CPA1: variants seen among roughly 807,000 people sequenced by gnomAD.
The protein encoded by CPA1 is carboxypeptidase A1, also known as carboxypeptidase A1 (pancreatic).
In CPA1, 42 loss-of-function variants were observed where a neutral mutation model predicts 48.7. The observed-to-expected ratio is 0.86, with a 90% CI of 0.67 to 1.11. The LOEUF (loss-of-function observed/expected upper bound fraction) is 1.11, where lower values mean the gene tolerates loss of function less well. CPA1 is among the 50% of genes most tolerant of loss of function. The probability of loss-of-function intolerance (pLI) is 0.00; values close to 1 mark genes in which losing one functional copy is unlikely to be tolerated. For synonymous variants in CPA1, 203 were observed against 217.9 expected, an observed-to-expected ratio of 0.93 and a Z score of 0.60; for missense variants, 477 against 544.7, an observed-to-expected ratio of 0.88 and a Z score of 1.24.
chr7:130,384,310 C>G, intron 6 of CPA1: 2 of 583,908 alleles, frequency 3.4e-6, no homozygotes, highest in South Asian at 2.0e-5. Flanking sequence ...ACCCGATGCC[C>G]CCTCTGCTGA....
chr7:130,385,300 T>A lies in CPA1; in HGVS notation c.942T>A (p.Tyr314Ter). The stretch of plus-strand genomic sequence containing the variant: ...ACAGCTACTCCCAGCTCCTCATGTA[T>A]CCCTATGGCTACAAAACAGAACCAG... The part of the protein sequence containing the change: ...SIHSYSQLLM[Y>*]PYGYKTEPVP... Residue 314 changes from tyrosine (Y) to a stop codon, truncating the protein, a stop_gained, in exon 8 of 10, where the codon TAT (tyrosine) becomes TAA (stop). Transcript: ENST00000011292. LOFTEE classifies it high-confidence loss of function. The A allele has an allele frequency of 6.2e-7, 1 of 1,614,146 alleles. No homozygotes were observed. The highest frequency in any genetic ancestry group is 8.5e-7 in the Non-Finnish European group (1 of 1,180,024).
chr7:130,385,735 C>A, intron 8 of CPA1, 104 bp from the exon 9 acceptor site: 1 of 847,116 alleles, frequency 1.2e-6, no homozygotes, highest in Non-Finnish European at 1.9e-6. Context: ...CCCACTTCTG[C>A]AGGGTGCTTC....
Position 130,380,510 on chromosome 7 carries a change from C to A in CPA1, c.-11C>A. On this transcript the variant is annotated 5_prime_UTR_variant, in exon 1 of 10. Transcript: ENST00000011292. ...CTCGACCTCAGTCTGACCTTCCCTC[C>A]CGGCAGCAGCATGCGGGGGTTGCTG... The A allele has an allele frequency of 7.6e-7, 1 of 1,313,848 alleles. No individual in the cohort carries two copies. Among genetic ancestry groups the A allele is most frequent in the Non-Finnish European group, 9.8e-7 (1 of 1,022,608 alleles). 81.4% of individuals were successfully genotyped at this position (1,313,848 alleles called of 1,614,324 possible).
intron 6 of CPA1, 63 bp from the exon 7 acceptor site, chr7:130,384,473 C>T (rs1183899458): frequency 3.4e-6 from 5 of 1,454,762 alleles, no homozygotes; most frequent in Non-Finnish European, 3.9e-6. Context: ...AACCACCCCC[C>T]ACCCAGCACT....
rs782170635 is a variant in CPA1 at position 130,385,223 on chromosome 7, A to C, written c.865A>C (p.Ile289Leu). ...CAATTCCGAAGTGGAGGTCAAGTCC[A>C]TTGTAGACTTTGTGAAGGACCATGG... is the stretch of plus-strand genomic sequence containing the variant. ...FANSEVEVKS[I>L]VDFVKDHGNI... The change falls in exon 8 of 10, where the codon ATT (isoleucine) becomes CTT (leucine). Residue 289 changes from isoleucine (I) to leucine (L), a missense_variant. Coordinates refer to ENST00000011292, the MANE Select transcript of CPA1 (RefSeq NM_001868.4). The C allele has an allele frequency of 6.2e-7, 1 of 1,614,136 alleles. No homozygotes were observed. The highest frequency in any genetic ancestry group is 8.5e-7 in the Non-Finnish European group (1 of 1,180,054).
Position 130,385,253 on chromosome 7 carries a change from A to T in CPA1, c.895A>T (p.Ile299Phe), listed in dbSNP as rs533352347. ...AGACTTTGTGAAGGACCATGGGAAC[A>T]TCAAGGCCTTCATCTCCATCCACAG... ...IVDFVKDHGNIKAFISIHSYS... is the reference protein window; with the variant it reads ...IVDFVKDHGNFKAFISIHSYS... Residue 299 changes from isoleucine to phenylalanine, a missense_variant, in exon 8 of 10, where the codon ATC (isoleucine) becomes TTC (phenylalanine). Physicochemically the swap from Ile to Phe is conservative, Grantham distance 21. Transcript: ENST00000011292. 7 of 1,614,218 alleles carry T rather than the reference A, an allele frequency of 4.3e-6. No homozygotes were observed. Among genetic ancestry groups the T allele is most frequent in the Non-Finnish European group, 5.9e-6 (7 of 1,180,034 alleles).
chr7:130,381,930 T>TAGGGCCAAGGCC, intron 3 of CPA1, 67 bp downstream of exon 3: 1 of 1,476,258 alleles, frequency 6.8e-7, no homozygotes, highest in Non-Finnish European at 9.3e-7. Flanking sequence ...TAGAACGCGG[T>TAGGGCCAAGGCC]AGGGCCAAGG....
At chr7:130,385,121 C>T (rs376607328) in intron 7 of CPA1, 25 bp from the exon 8 acceptor site, 12 of 1,611,662 alleles carry the variant, frequency 7.4e-6, no homozygotes, top group East Asian at 4.5e-5. Context: ...GGAGCCACAC[C>T]GCCATGCCCT....
At chr7:130,386,870 C>G (rs1407251046) in intron 9 of CPA1, among the ~76,000 whole-genome samples, 2 of 152,064 alleles carry the variant, frequency 1.3e-5, no homozygotes, top group African/African-American at 4.8e-5. Context: ...ATCGGGAACA[C>G]TGGGGGTGGA....
At position 130,383,748 on chromosome 7, in the gene CPA1, T is replaced by C; in HGVS notation, c.650T>C (p.Leu217Pro). ...ATTCTCGACACCTTGGACATCTTCC[T>C]GGAGATCGTCACCAACCCTGATGGC... ...TAILDTLDIFLEIVTNPDGFA... is the reference protein window; with the variant it reads ...TAILDTLDIFPEIVTNPDGFA... The change falls in exon 6 of 10, where the codon CTG becomes CCG. Residue 217 changes from leucine to proline, a missense_variant. Leu to Pro is a moderately conservative substitution (Grantham distance 98). Coordinates refer to ENST00000011292, the MANE Select transcript of CPA1 (RefSeq NM_001868.4). 1 of 1,614,228 alleles carries C rather than the reference T, an allele frequency of 6.2e-7. No individual in the cohort carries two copies. Among genetic ancestry groups the C allele is most frequent in the Non-Finnish European group, 8.5e-7 (1 of 1,180,030 alleles).
At position 130,385,899 on chromosome 7, in the gene CPA1, T is replaced by C; in HGVS notation, c.1048T>C (p.Tyr350His). ...CTCTCTCTACGGGACCAAGTTCAAC[T>C]ATGGCAGCATCATCAAGGCAATTTG... ...LASLYGTKFN[Y>H]GSIIKAIYQA... Residue 350 changes from tyrosine (Y) to histidine (H), a missense_variant, in exon 9 of 10, where the codon TAT becomes CAT. Physicochemically the swap from Tyr to His is moderately conservative, Grantham distance 83. Transcript: ENST00000011292. 6.2e-7 allele frequency: 1 copy of C among 1,614,100 alleles called. No homozygotes were observed. The highest frequency in any genetic ancestry group is 2.2e-5 in the East Asian group (1 of 44,868).
rs201750163 is a variant in CPA1, at chr7:130,387,907, C to T, written c.1156C>T (p.Arg386Cys). 8.1e-5 allele frequency: 130 copies of T among 1,614,156 alleles called. No individual in the cohort carries two copies. Among genetic ancestry groups the T allele is most frequent in the South Asian group, 7.7e-4 (70 of 91,080 alleles). ...SFTFELRDTGRYGFLLPASQI... is the reference protein window; with the variant it reads ...SFTFELRDTGCYGFLLPASQI... ...CACCTTCGAGCTCCGGGACACTGGGCGCTATGGCTTCCTGCTGCCAGCCTC... is the reference window on the plus strand; with the variant it reads ...CACCTTCGAGCTCCGGGACACTGGGTGCTATGGCTTCCTGCTGCCAGCCTC... The change falls in exon 10 of 10, where the codon CGC becomes TGC. Residue 386 changes from arginine (R) to cysteine (C), a missense_variant. Physicochemically the swap from Arg to Cys is radical, Grantham distance 180. Transcript: ENST00000011292. The surrounding 1 kb of genome is among the most constrained non-coding windows in gnomAD (Gnocchi z 4.6).
chr7:130,384,660 G>A, intron 7 of CPA1, 34 bp downstream of exon 7: 1 of 1,566,618 alleles, frequency 6.4e-7, no homozygotes, highest in Non-Finnish European at 8.8e-7. Flanking sequence ...GCAAGGATGG[G>A]ATGGCCTCGA....
chr7:130,387,879 C>A lies in CPA1; in HGVS notation c.1128C>A (p.Ser376=), dbSNP rs781805250. Residue 376 remains serine (S), a synonymous_variant, in exon 10 of 10, where the codon TCC becomes TCA. Transcript: ENST00000011292. This position sits in a 1 kb window ranked among gnomAD's most constrained non-coding sequence, Gnocchi z 4.6. The part of the protein sequence containing the change: ...DWTYSQGIKY[S]FTFELRDTGR... ...CCTACAGCCAGGGCATCAAGTACTC[C>A]TTCACCTTCGAGCTCCGGGACACTG... 5.0e-6 allele frequency: 8 copies of A among 1,614,192 alleles called. No individual in the cohort carries two copies. The highest frequency in any genetic ancestry group is 1.1e-5 in the South Asian group (1 of 91,074).
Position 130,384,466 on chromosome 7 carries a change from C to G in CPA1, c.697-70C>G. ...ACTCTGCTCTCTGCAGCCTCTGAAC[C>G]ACCCCCCACCCAGCACTGTGACAAG... On this transcript the variant is annotated intron_variant, in intron 6 of 9. Coordinates refer to ENST00000011292, the MANE Select transcript of CPA1 (RefSeq NM_001868.4). 2.2e-6 allele frequency: 3 copies of G among 1,342,052 alleles called. No homozygotes were observed. In the East Asian group the frequency reaches 7.2e-5, roughly 32 times the overall value. 83.1% of individuals were successfully genotyped at this position (1,342,052 alleles called of 1,614,324 possible).
chr7:130,382,804 C>T (rs1192108490), intron 4 of CPA1, among the ~76,000 whole-genome samples: 8 of 152,008 alleles, frequency 5.3e-5, no homozygotes, highest in Non-Finnish European at 1.0e-4. Flanking sequence ...CCACCACGCC[C>T]GGCTAATTTT....
chr7:130,386,360 G>A (rs982129827), intron 9 of CPA1, among the ~76,000 whole-genome samples: 4 of 151,918 alleles, frequency 2.6e-5, no homozygotes, highest in Non-Finnish European at 5.9e-5. Context: ...GTGAAACCCC[G>A]TCTTTATTAA....
intron 1 of CPA1, 57 bp from the exon 2 acceptor site, chr7:130,381,041 C>A: frequency 7.0e-7 from 1 of 1,434,106 alleles, no homozygotes; most frequent in Non-Finnish European, 9.8e-7. Flanking sequence ...CTGGGGAGTG[C>A]TTGTGGCCAG....
At chr7:130,383,997 C>T (rs1183049956) in intron 6 of CPA1, 3 of 593,968 alleles carry the variant, frequency 5.1e-6, no homozygotes, top group Non-Finnish European at 9.1e-6. Flanking sequence ...CCTGTGCATC[C>T]ACGGTGTTTC....
Sources: gnomAD v4.1 joint callset for allele counts (sites outside exome capture counted in the v4.1 genomes callset) on GRCh38, gnomAD v4.1.1 for gene constraint, Gnocchi (gnomAD v3.1) non-coding constraint, MANE v1.5 for transcripts, NCBI Gene and HGNC (gene_info 2026-07-23, HGNC 2026-07-21) for gene names.